The following GABRB2 variants were observed in gnomAD, a reference collection of about 807,000 sequenced individuals.
GABRB2 encodes the protein gamma-aminobutyric acid receptor subunit beta-2.
GABRB2 carries 16 observed loss-of-function variants against 54.7 expected under a neutral mutation model. That is an observed-to-expected ratio of 0.29 (90% CI 0.20 to 0.44). The LOEUF is 0.44. Among genes scored for constraint, GABRB2 ranks in the 20% least tolerant of loss-of-function variants. The probability of loss-of-function intolerance (pLI) is 1.00; values close to 1 mark genes in which losing one functional copy is unlikely to be tolerated. For synonymous variants in GABRB2, 244 were observed against 233.8 expected (o/e 1.04, Z -0.40); for missense variants, 355 against 644.0 (o/e 0.55, Z 4.86).
intron 4 of GABRB2, among the ~76,000 whole-genome samples, chr5:161,412,442 G>A (rs1279839274): frequency 1.3e-5 from 2 of 152,000 alleles, no homozygotes; most frequent in Admixed American, 6.6e-5. Flanking sequence ...CTACATCCCC[G>A]ATGCCTTACA....
intron 3 of GABRB2, among the ~76,000 whole-genome samples, chr5:161,519,176 G>A (rs746872130): frequency 1.3e-4 from 20 of 152,100 alleles, no homozygotes; most frequent in Non-Finnish European, 2.6e-4. Flanking sequence ...CAGGTCACAG[G>A]GTCTCTTTTG....
intron 3 of GABRB2, among the ~76,000 whole-genome samples, chr5:161,474,948 T>C (rs968926888): frequency 4.6e-5 from 7 of 151,908 alleles, no homozygotes; most frequent in African/African-American, 1.7e-4. Context: ...GAGAGCTGGT[T>C]GTTCTAGACT....
chr5:161,341,971 A>ATATATG (rs1326417978), intron 5 of GABRB2, among the ~76,000 whole-genome samples: 33 of 26,652 alleles, frequency 1.2e-3, no homozygotes, highest in African/African-American at 2.2e-3. Flanking sequence ...ATATATATAC[A>ATATATG]TACTTTATTA....
chr5:161,359,303 T>C (rs1322484074), intron 5 of GABRB2, among the ~76,000 whole-genome samples: 6 of 152,220 alleles, frequency 3.9e-5, no homozygotes, highest in Non-Finnish European at 8.8e-5. Flanking sequence ...CACTATTATG[T>C]AGAGTTGACA....
chr5:161,390,993 C>T (rs578129160), intron 5 of GABRB2, among the ~76,000 whole-genome samples: 222 of 152,228 alleles, frequency 1.5e-3, no homozygotes, highest in Admixed American at 3.3e-3. Context: ...TTGGACAGAA[C>T]TCATTCCAGT....
At chr5:161,435,906 G>A (rs6875709) in intron 4 of GABRB2, among the ~76,000 whole-genome samples, 30,707 of 152,006 alleles carry the variant, frequency 0.2, 4,892 homozygotes, top group African/African-American at 0.44. Flanking sequence ...CTTTAACATA[G>A]GAGCTATAAC....
intron 5 of GABRB2, among the ~76,000 whole-genome samples, chr5:161,364,491 T>A (rs1349863860): frequency 6.6e-6 from 1 of 152,150 alleles, no homozygotes; most frequent in Non-Finnish European, 1.5e-5. Flanking sequence ...AATGGTAACA[T>A]TCCAAAACAT....
intron 9 of GABRB2, among the ~76,000 whole-genome samples, chr5:161,295,528 G>A (rs1361228447): frequency 6.6e-6 from 1 of 151,990 alleles, no homozygotes; most frequent in Non-Finnish European, 1.5e-5. Context: ...AAATTATAAG[G>A]AAAAAAGATG....
At chr5:161,367,316 G>A (rs1241910861) in intron 5 of GABRB2, among the ~76,000 whole-genome samples, 1 of 152,122 alleles carries the variant, frequency 6.6e-6, no homozygotes, top group African/African-American at 2.4e-5. Flanking sequence ...AACATATGGG[G>A]CTCTTGTGAA....
In GABRB2 at chr5:161,422,084, G is replaced by T. The variant is rs1756869463; in HGVS notation, c.459-11027C>A. On this transcript the variant is annotated intron_variant, in intron 4 of 9. Transcript: ENST00000393959. Reference sequence around the variant, plus strand: ...ATACTGGCAGGAGGACTGTAAATTGGCACAAACTTTCTGGAGGGTAATTAG... The same window carrying T: ...ATACTGGCAGGAGGACTGTAAATTGTCACAAACTTTCTGGAGGGTAATTAG... 3.3e-5 allele frequency among the ~76,000 whole-genome samples: 5 copies of T among 152,096 alleles called. No homozygotes were observed. In the South Asian group the frequency reaches 1.0e-3, roughly 32 times the overall value.
chr5:161,311,258 C>A (rs546530284), intron 9 of GABRB2, among the ~76,000 whole-genome samples: 76 of 152,282 alleles, frequency 5.0e-4, no homozygotes, highest in African/African-American at 1.7e-3. Flanking sequence ...CAGAGCTTTT[C>A]AGAGACTTAG....
chr5:161,405,479 G>T (rs1242355179), intron 5 of GABRB2, among the ~76,000 whole-genome samples: 2 of 152,032 alleles, frequency 1.3e-5, no homozygotes, highest in African/African-American at 4.8e-5. Flanking sequence ...AGAAACTGCA[G>T]CTTGAAGAAG....
intron 4 of GABRB2, among the ~76,000 whole-genome samples, chr5:161,418,466 A>G (rs1423501350): frequency 1.3e-5 from 2 of 152,134 alleles, no homozygotes; most frequent in African/African-American, 2.4e-5. Flanking sequence ...CTGGACTCCT[A>G]TCTCCCACCA....
Position 161,517,625 on chromosome 5 carries a change from G to A in GABRB2, c.237+27602C>T, listed in dbSNP as rs540071837. ...CAGGGTAAATTAGCTGGGCACTGCC[G>A]CTATTGCAGTGGTCCACCGCCTGCA... On this transcript the variant is annotated intron_variant, in intron 3 of 9. Coordinates refer to ENST00000393959, the MANE Select transcript of GABRB2 (RefSeq NM_001371727.1). Among the ~76,000 whole-genome samples the A allele has an allele frequency of 1.6e-3, 241 of 152,190 alleles. 1 individual carries two copies. Among genetic ancestry groups the A allele is most frequent in the Non-Finnish European group, 3.0e-3 (201 of 68,016 alleles).
intron 3 of GABRB2, among the ~76,000 whole-genome samples, chr5:161,542,403 A>C (rs1161055083): frequency 1.3e-5 from 2 of 152,222 alleles, no homozygotes; most frequent in Non-Finnish European, 2.9e-5. Context: ...AGCTAGAATA[A>C]AACAAGGTAT....
chr5:161,334,665 A>T, intron 7 of GABRB2, 87 bp downstream of exon 7: 1 of 1,419,602 alleles, frequency 7.0e-7, no homozygotes, highest in Non-Finnish European at 9.7e-7. Context: ...ATGCACCACA[A>T]ATTTCAGGAT....
chr5:161,469,959 G>A (rs1758390708), intron 3 of GABRB2, among the ~76,000 whole-genome samples: 1 of 151,862 alleles, frequency 6.6e-6, no homozygotes, highest in South Asian at 2.1e-4. Flanking sequence ...AAGAGTTTCA[G>A]ACATCCTATG....
intron 4 of GABRB2, among the ~76,000 whole-genome samples, chr5:161,431,431 A>G (rs187942181): frequency 1.7e-3 from 265 of 152,284 alleles, no homozygotes; most frequent in African/African-American, 6.2e-3. Context: ...TGCTTTAAAG[A>G]CATGTATGCA....
intron 5 of GABRB2, among the ~76,000 whole-genome samples, chr5:161,349,331 C>T (rs573637143): frequency 6.6e-6 from 1 of 151,932 alleles, no homozygotes; most frequent in Admixed American, 6.6e-5. Flanking sequence ...TAAATAACTG[C>T]CATTTATTAA....
Sources: allele counts gnomAD v4.1 joint callset (sites outside exome capture counted in the v4.1 genomes callset), GRCh38; gene constraint gnomAD v4.1.1; transcripts MANE v1.5; gene names NCBI Gene and HGNC (gene_info 2026-07-23, HGNC 2026-07-21).